Variants in COG5 observed in about 807,000 individuals in gnomAD.
COG5 encodes conserved oligomeric Golgi complex subunit 5.
Under a neutral mutation model 110.4 loss-of-function variants are expected in COG5, and 86 were observed. The observed-to-expected ratio is 0.78, with a 90% CI of 0.65 to 0.93. The LOEUF is 0.93. Ranked by LOEUF, COG5 falls within the 40% of genes least tolerant of loss-of-function variation. COG5 has a pLI of 0.00. For synonymous variants in COG5, 360 were observed against 334.6 expected (o/e 1.08, Z -0.83); for missense variants, 1,077 against 987.0 (o/e 1.09, Z -1.22).
chr7:107,412,707 C>A (rs1792397582), intron 6 of COG5, 75 bp from the exon 7 acceptor site: 7 of 843,866 alleles, frequency 8.3e-6, no homozygotes, highest in Non-Finnish European at 7.1e-6. Context: ...ATATGTATAA[C>A]TTCTCAAAAA....
intron 6 of COG5, among the ~76,000 whole-genome samples, chr7:107,430,899 GA>G (rs1793983730): frequency 6.6e-6 from 1 of 152,060 alleles, no homozygotes; most frequent in South Asian, 2.1e-4. Context: ...TGGGAGATTT[GA>G]TTACAGAAGA....
Position 107,440,201 on chromosome 7 carries a change from T to C in COG5, c.539-27569A>G, listed in dbSNP as rs185823861. ...AATCTTCTTGAGAGCAGAAATTTGG[T>C]TGTTGTATCGCTAGTGCTTAGAGTA... is the stretch of plus-strand genomic sequence containing the variant. On this transcript the variant is annotated intron_variant, in intron 6 of 21. Coordinates refer to ENST00000297135, the MANE Select transcript of COG5 (RefSeq NM_006348.5). Among the ~76,000 whole-genome samples, 283 of 152,300 alleles carry C rather than the reference T, an allele frequency of 1.9e-3. 2 individuals are homozygous for C. Among genetic ancestry groups the C allele is most frequent in the African/African-American group, 6.6e-3 (273 of 41,568 alleles).
chr7:107,506,947 G>A (rs1799061159), intron 6 of COG5, among the ~76,000 whole-genome samples: 1 of 152,222 alleles, frequency 6.6e-6, no homozygotes. Context: ...TACACTGTGA[G>A]GCAGAATAAT....
At chr7:107,366,464 A>G (rs1021406200) in intron 8 of COG5, among the ~76,000 whole-genome samples, 5 of 151,540 alleles carry the variant, frequency 3.3e-5, no homozygotes, top group Admixed American at 6.6e-5. Flanking sequence ...TTCAATATAC[A>G]ATGGAAGAAA....
chr7:107,341,766 A>T (rs920687221), intron 10 of COG5, among the ~76,000 whole-genome samples: 3 of 152,138 alleles, frequency 2.0e-5, no homozygotes, highest in African/African-American at 7.2e-5. Context: ...AGTCTACAAA[A>T]ATAAGCAATG....
At chr7:107,467,763 G>A (rs1272295090) in intron 6 of COG5, among the ~76,000 whole-genome samples, 6 of 151,914 alleles carry the variant, frequency 3.9e-5, no homozygotes, top group East Asian at 1.9e-4. Context: ...TTAAGATTTC[G>A]GCATACCTTG....
At chr7:107,541,721 A>C (rs185594711) in intron 5 of COG5, among the ~76,000 whole-genome samples, 2,711 of 150,950 alleles carry the variant, frequency 0.018, 80 homozygotes, top group African/African-American at 0.061. Flanking sequence ...TCACGAGGTC[A>C]GAAGTTCGAG....
intron 14 of COG5, among the ~76,000 whole-genome samples, chr7:107,261,023 G>GT (rs1176814529): frequency 1.3e-5 from 2 of 151,512 alleles, no homozygotes; most frequent in Non-Finnish European, 2.9e-5. Flanking sequence ...TTCCAGGACC[G>GT]TAACACCCAC....
chr7:107,251,766 T>C (rs974894820), intron 16 of COG5, among the ~76,000 whole-genome samples: 24 of 152,114 alleles, frequency 1.6e-4, no homozygotes, highest in African/African-American at 5.5e-4. Context: ...CTAAAATCAA[T>C]GATGTAAAGT....
chr7:107,241,432 A>C (rs184749654), intron 17 of COG5, among the ~76,000 whole-genome samples: 3,454 of 147,034 alleles, frequency 0.023, 140 homozygotes, highest in African/African-American at 0.078. Flanking sequence ...ATCTATCTAT[A>C]TATATATATA....
At chr7:107,496,465 C>A (rs893405426) in intron 6 of COG5, among the ~76,000 whole-genome samples, 3 of 151,968 alleles carry the variant, frequency 2.0e-5, no homozygotes, top group African/African-American at 4.8e-5. Context: ...TGGAGACCAG[C>A]CCAGCCAACA....
At chr7:107,210,479 C>T in intron 21 of COG5, 47 bp downstream of exon 21, 1 of 1,562,278 alleles carries the variant, frequency 6.4e-7, no homozygotes, top group Non-Finnish European at 8.7e-7. Context: ...CCCCACCCTC[C>T]TTGGGCTTCC....
intron 18 of COG5, among the ~76,000 whole-genome samples, chr7:107,235,692 G>T (rs982902798): frequency 3.3e-5 from 5 of 152,216 alleles, no homozygotes; most frequent in Admixed American, 6.5e-5. Context: ...GACAGAGCAA[G>T]ACTCTGTCTC....
At chr7:107,517,946 T>C (rs2129149176) in intron 6 of COG5, among the ~76,000 whole-genome samples, 1 of 152,230 alleles carries the variant, frequency 6.6e-6, no homozygotes, top group African/African-American at 2.4e-5. Context: ...TCTGCCCGCC[T>C]CGGCGTCCCA....
chr7:107,333,322 T>C (rs555450377), intron 10 of COG5, among the ~76,000 whole-genome samples: 19 of 152,132 alleles, frequency 1.2e-4, no homozygotes, highest in Non-Finnish European at 2.4e-4. Flanking sequence ...TGCTGTCTCA[T>C]TACAAAGAAG....
intron 6 of COG5, among the ~76,000 whole-genome samples, chr7:107,488,368 G>C (rs1797776510): frequency 6.6e-6 from 1 of 152,032 alleles, no homozygotes; most frequent in Non-Finnish European, 1.5e-5. Flanking sequence ...TTCTCACAAA[G>C]TACTGTCCAG....
At chr7:107,412,423 CT>C (rs1584789455) in intron 7 of COG5, 78 bp downstream of exon 7, 2 of 1,398,830 alleles carry the variant, frequency 1.4e-6, no homozygotes, top group Non-Finnish European at 2.0e-6. Context: ...ACATATATTA[CT>C]TTTTTGAACT....
At chr7:107,553,803 C>T (rs1208837283) in intron 3 of COG5, among the ~76,000 whole-genome samples, 1 of 152,152 alleles carries the variant, frequency 6.6e-6, no homozygotes, top group African/African-American at 2.4e-5. Flanking sequence ...ATGCCTTCTT[C>T]CACTACTAGT....
At chr7:107,410,945 T>C (rs946459418) in intron 7 of COG5, among the ~76,000 whole-genome samples, 13 of 152,106 alleles carry the variant, frequency 8.5e-5, no homozygotes, top group Admixed American at 7.2e-4. Flanking sequence ...AGACTCAAGT[T>C]TGGGCTAGTA....
Sources: allele counts gnomAD v4.1 joint callset (sites outside exome capture counted in the v4.1 genomes callset), GRCh38; gene constraint gnomAD v4.1.1; transcripts MANE v1.5; gene names NCBI Gene and HGNC (gene_info 2026-07-23, HGNC 2026-07-21).